Variants in LRMDA observed in about 807,000 individuals in gnomAD.
The protein encoded by LRMDA is leucine rich melanocyte differentiation associated.
In LRMDA, 18 loss-of-function variants were observed where a neutral mutation model predicts 29.8. The observed-to-expected ratio is 0.60, with a 90% CI of 0.42 to 0.90. LRMDA has a LOEUF of 0.90. Ranked by LOEUF, LRMDA falls within the 40% of genes least tolerant of loss-of-function variation. LRMDA has a pLI of 0.00. For missense variants in LRMDA, 273 were observed against 273.9 expected (o/e 1.00, Z 0.02); for synonymous variants, 125 against 109.4 (o/e 1.14, Z -0.89).
chr10:75,453,457 T>G (rs1429023152), intron 2 of LRMDA, among the ~76,000 whole-genome samples: 2 of 152,216 alleles, frequency 1.3e-5, no homozygotes, highest in East Asian at 3.8e-4. Context: ...CCCGTACTGC[T>G]AAAGAAATGA....
chr10:76,146,065 A>C (rs1248472249), intron 5 of LRMDA, among the ~76,000 whole-genome samples: 1 of 151,270 alleles, frequency 6.6e-6, no homozygotes, highest in East Asian at 1.9e-4. Flanking sequence ...ACAGTTTGTT[A>C]TAATTTCTGT....
chr10:75,513,534 C>T (rs975955942), intron 2 of LRMDA, among the ~76,000 whole-genome samples: 1 of 152,156 alleles, frequency 6.6e-6, no homozygotes, highest in Non-Finnish European at 1.5e-5. Flanking sequence ...AAAAACAATG[C>T]ACAATGTATT....
chr10:76,533,146 CGAGAGTGA>C (rs1417196956), intron 6 of LRMDA, among the ~76,000 whole-genome samples: 7 of 128,738 alleles, frequency 5.4e-5, no homozygotes, highest in Non-Finnish European at 1.1e-4. Context: ...AGAGCGAGAG[CGAGAGTGA>C]GAGAGAGCGA....
intron 2 of LRMDA, among the ~76,000 whole-genome samples, chr10:75,516,079 C>T (rs902237909): frequency 3.9e-5 from 6 of 152,160 alleles, no homozygotes; most frequent in African/African-American, 1.4e-4. Context: ...GTATATGTGC[C>T]ACATTTTCTT....
At chr10:75,590,431 T>TAA (rs34528181) in intron 2 of LRMDA, among the ~76,000 whole-genome samples, 3 of 151,956 alleles carry the variant, frequency 2.0e-5, no homozygotes, top group Non-Finnish European at 4.4e-5. Context: ...ATGGTTTCCT[T>TAA]AAAAAAAGTT....
intron 4 of LRMDA, among the ~76,000 whole-genome samples, chr10:76,052,930 G>A (rs1848553831): frequency 6.6e-6 from 1 of 152,038 alleles, no homozygotes; most frequent in Non-Finnish European, 1.5e-5. Context: ...GTGAGACTTA[G>A]AACTTAGACC....
intron 6 of LRMDA, among the ~76,000 whole-genome samples, chr10:76,390,708 T>C (rs1311602847): frequency 6.6e-6 from 1 of 152,004 alleles, no homozygotes; most frequent in Non-Finnish European, 1.5e-5. Flanking sequence ...TAAATAATAA[T>C]GAATGCTGGG....
At chr10:76,169,950 G>A (rs1171243631) in intron 5 of LRMDA, among the ~76,000 whole-genome samples, 1 of 152,110 alleles carries the variant, frequency 6.6e-6, no homozygotes, top group Non-Finnish European at 1.5e-5. Context: ...CAAGGGTATG[G>A]CCTTACCCTT....
intron 6 of LRMDA, among the ~76,000 whole-genome samples, chr10:76,441,478 T>A (rs950407097): frequency 2.0e-5 from 3 of 152,154 alleles, no homozygotes; most frequent in Non-Finnish European, 4.4e-5. Context: ...TTGGGACTGT[T>A]AAACAAGTAA....
intron 2 of LRMDA, among the ~76,000 whole-genome samples, chr10:75,671,126 A>G (rs984533423): frequency 6.6e-6 from 1 of 152,198 alleles, no homozygotes; most frequent in Non-Finnish European, 1.5e-5. Flanking sequence ...TGCATTCTCA[A>G]ATAAAGCAGT....
chr10:76,186,989 T>G (rs1851161549), intron 5 of LRMDA, among the ~76,000 whole-genome samples: 1 of 152,186 alleles, frequency 6.6e-6, no homozygotes, highest in African/African-American at 2.4e-5. Flanking sequence ...TTGGTTTGAT[T>G]TGATTCAACA....
At chr10:75,518,473 C>A (rs1845319716) in intron 2 of LRMDA, among the ~76,000 whole-genome samples, 1 of 152,154 alleles carries the variant, frequency 6.6e-6, no homozygotes, top group Admixed American at 6.5e-5. Context: ...TCTAGATTTT[C>A]TAGTTTATTT....
chr10:76,055,987 G>A (rs1848608842), intron 4 of LRMDA, among the ~76,000 whole-genome samples: 1 of 152,238 alleles, frequency 6.6e-6, no homozygotes, highest in African/African-American at 2.4e-5. Context: ...AGCTCTTTCA[G>A]TCCTGCCATT....
intron 5 of LRMDA, among the ~76,000 whole-genome samples, chr10:76,210,008 A>T (rs1164382751): frequency 6.6e-6 from 1 of 152,250 alleles, no homozygotes; most frequent in African/African-American, 2.4e-5. Flanking sequence ...GCGCATAGCT[A>T]CAAATGAGTG....
intron 5 of LRMDA, among the ~76,000 whole-genome samples, chr10:76,234,549 T>A (rs1291948407): frequency 6.6e-6 from 1 of 152,202 alleles, no homozygotes; most frequent in African/African-American, 2.4e-5. Context: ...AAGCCCCAAA[T>A]GGCATCTTCT....
chr10:75,685,769 G>A (rs1842074148), intron 2 of LRMDA, among the ~76,000 whole-genome samples: 1 of 152,202 alleles, frequency 6.6e-6, no homozygotes, highest in Admixed American at 6.5e-5. Flanking sequence ...TGTTAGATAA[G>A]GAGTTTGAGC....
chr10:75,999,033 C>T (rs1187236205), intron 2 of LRMDA, among the ~76,000 whole-genome samples: 3 of 152,196 alleles, frequency 2.0e-5, no homozygotes, highest in Non-Finnish European at 4.4e-5. Flanking sequence ...CATTATACTA[C>T]ATGTTGCTCT....
At chr10:75,934,618 T>C (rs1263203730) in intron 2 of LRMDA, among the ~76,000 whole-genome samples, 1 of 152,156 alleles carries the variant, frequency 6.6e-6, no homozygotes, top group African/African-American at 2.4e-5. Flanking sequence ...GGTGTGCTCC[T>C]GGCTAGTGGG....
intron 2 of LRMDA, among the ~76,000 whole-genome samples, chr10:75,522,449 A>T (rs1845372471): frequency 6.6e-6 from 1 of 152,220 alleles, no homozygotes; most frequent in Non-Finnish European, 1.5e-5. Context: ...GACGGATTTT[A>T]AAAAATAACA....
Sources: allele counts gnomAD v4.1 joint callset (sites outside exome capture counted in the v4.1 genomes callset), GRCh38; gene constraint gnomAD v4.1.1; transcripts MANE v1.5; gene names NCBI Gene and HGNC (gene_info 2026-07-23, HGNC 2026-07-21).